PTPRQ: variants seen among roughly 807,000 people sequenced by gnomAD.
PTPRQ encodes protein tyrosine phosphatase receptor type Q.
Under a neutral mutation model 246.0 loss-of-function variants are expected in PTPRQ, and 199 were observed. That is an observed-to-expected ratio of 0.81 (90% confidence interval 0.72 to 0.91). The LOEUF is 0.91. Among genes scored for constraint, PTPRQ ranks in the 40% least tolerant of loss-of-function variants. PTPRQ has a pLI of 0.00. For missense variants in PTPRQ, 2,624 were observed against 2,528.4 expected (o/e 1.04, Z -0.81); for synonymous variants, 869 against 853.2 (o/e 1.02, Z -0.32).
chr12:80,534,361 T>A (rs1895927873), intron 18 of PTPRQ, among the ~76,000 whole-genome samples, 186 bp downstream of exon 18: 1 of 152,072 alleles, frequency 6.6e-6, no homozygotes, highest in South Asian at 2.1e-4. Flanking sequence ...TCTGTGTGCC[T>A]CAATTTCCCA....
intron 26 of PTPRQ, among the ~76,000 whole-genome samples, chr12:80,589,230 G>A (rs943142391): frequency 6.6e-6 from 1 of 152,076 alleles, no homozygotes; most frequent in Non-Finnish European, 1.5e-5. Context: ...ATAGAATTGT[G>A]ATGGTTACTA....
chr12:80,604,566 A>G (rs1220236347), intron 26 of PTPRQ, among the ~76,000 whole-genome samples: 1 of 151,518 alleles, frequency 6.6e-6, no homozygotes, highest in Admixed American at 6.6e-5. Flanking sequence ...CATATTCTCC[A>G]CCCTCAGTGA....
At chr12:80,576,365 T>C (rs1445146903) in intron 25 of PTPRQ, among the ~76,000 whole-genome samples, 1 of 152,124 alleles carries the variant, frequency 6.6e-6, no homozygotes. Context: ...TAGTCTCAAA[T>C]TCCTGACCTC....
intron 2 of PTPRQ, among the ~76,000 whole-genome samples, chr12:80,445,280 T>C (rs961317229): frequency 6.6e-6 from 1 of 151,966 alleles, no homozygotes; most frequent in Non-Finnish European, 1.5e-5. Context: ...AGTATTTATT[T>C]AGTAGCATTC....
chr12:80,478,254 C>T (rs949319155), intron 8 of PTPRQ, among the ~76,000 whole-genome samples: 13 of 151,612 alleles, frequency 8.6e-5, no homozygotes, highest in Non-Finnish European at 1.8e-4. Flanking sequence ...TGGGAGGCAT[C>T]CCCCAGCAGG....
At position 80,468,705 on chromosome 12, in the gene PTPRQ, T is replaced by C; in HGVS notation, c.911-5T>C. 1 of 1,529,514 alleles carries C rather than the reference T, an allele frequency of 6.5e-7. No individual in the cohort carries two copies. Among genetic ancestry groups the C allele is most frequent in the Middle Eastern group, 1.7e-4 (1 of 5,838 alleles). The allele number at this position is 1,529,514 out of a possible 1,614,324, so 94.7% of individuals were successfully genotyped here. ...TTATGTATTTATTTTCTATAATTAT[T>C]TTAGTGCCTGAAGGACCACCACAAA... is the stretch of plus-strand genomic sequence containing the variant. On this transcript the variant is annotated splice_region_variant and splice_polypyrimidine_tract_variant and intron_variant, in intron 6 of 44. Coordinates refer to ENST00000644991, the MANE Select transcript of PTPRQ (RefSeq NM_001145026.2).
At chr12:80,480,895 C>CAA (rs1485747798) in intron 8 of PTPRQ, among the ~76,000 whole-genome samples, 1 of 152,086 alleles carries the variant, frequency 6.6e-6, no homozygotes, top group African/African-American at 2.4e-5. Context: ...GCTTACCAAC[C>CAA]AAAAAGAGTC....
intron 26 of PTPRQ, among the ~76,000 whole-genome samples, chr12:80,601,520 T>G (rs1206190260): frequency 6.6e-6 from 1 of 151,886 alleles, no homozygotes; most frequent in African/African-American, 2.4e-5. Context: ...CAAGGCCAAC[T>G]AAACATTTGG....
intron 3 of PTPRQ, among the ~76,000 whole-genome samples, chr12:80,449,798 G>A (rs1053378848): frequency 1.3e-5 from 2 of 152,188 alleles, no homozygotes; most frequent in African/African-American, 4.8e-5. Flanking sequence ...ATAGTTTAAA[G>A]TCAGGTAGTG....
intron 9 of PTPRQ, among the ~76,000 whole-genome samples, chr12:80,492,935 G>A (rs1166664494): frequency 1.3e-5 from 2 of 151,864 alleles, no homozygotes; most frequent in Admixed American, 1.3e-4. Flanking sequence ...CTTACCATTT[G>A]GGGGTGATCA....
At chr12:80,515,425 C>CTTT (rs35189865) in intron 17 of PTPRQ, among the ~76,000 whole-genome samples, 4 of 144,132 alleles carry the variant, frequency 2.8e-5, no homozygotes, top group Admixed American at 6.9e-5. Flanking sequence ...TGAATATTTC[C>CTTT]TTTTTTTTTT....
At chr12:80,538,737 A>G (rs1177877776) in intron 19 of PTPRQ, among the ~76,000 whole-genome samples, 1 of 152,024 alleles carries the variant, frequency 6.6e-6, no homozygotes, top group African/African-American at 2.4e-5. Flanking sequence ...TGCTTATCCT[A>G]TGTTATTCAT....
chr12:80,564,772 T>G (rs1896929657), intron 25 of PTPRQ, among the ~76,000 whole-genome samples: 1 of 152,216 alleles, frequency 6.6e-6, no homozygotes, highest in Admixed American at 6.5e-5. Flanking sequence ...AGTCCAGAAT[T>G]CTTTCTACTA....
At chr12:80,623,010 C>T (rs1171266904) in intron 33 of PTPRQ, among the ~76,000 whole-genome samples, 3 of 152,022 alleles carry the variant, frequency 2.0e-5, no homozygotes, top group Non-Finnish European at 2.9e-5. Flanking sequence ...GTGCCAGGCC[C>T]TCAAAAGCCC....
chr12:80,525,642 TTCTC>T (rs1895660836), intron 17 of PTPRQ, among the ~76,000 whole-genome samples: 1 of 142,394 alleles, frequency 7.0e-6, no homozygotes, highest in Non-Finnish European at 1.5e-5. Flanking sequence ...AACAGTCATA[TTCTC>T]TCTCTCTGTC....
intron 3 of PTPRQ, among the ~76,000 whole-genome samples, chr12:80,449,829 T>C (rs1327762158): frequency 2.0e-5 from 3 of 152,232 alleles, no homozygotes; most frequent in Admixed American, 1.3e-4. Flanking sequence ...AGCTTCGTTC[T>C]TTTGGCTTAG....
At chr12:80,445,754 A>G in intron 3 of PTPRQ, 37 bp downstream of exon 3, 1 of 1,324,512 alleles carries the variant, frequency 7.5e-7, no homozygotes, top group Admixed American at 2.0e-5. Flanking sequence ...GTGTTCAAAC[A>G]TTTCATTCAT....
intron 35 of PTPRQ, among the ~76,000 whole-genome samples, chr12:80,643,639 T>A (rs1899970723): frequency 6.6e-6 from 1 of 152,030 alleles, no homozygotes; most frequent in Non-Finnish European, 1.5e-5. Flanking sequence ...TGCAGAAGGA[T>A]GTGAAAGAAC....
chr12:80,587,274 G>T (rs1017279713), intron 25 of PTPRQ, among the ~76,000 whole-genome samples: 1 of 151,730 alleles, frequency 6.6e-6, no homozygotes, highest in African/African-American at 2.4e-5. Context: ...TATACAGTTC[G>T]CATTATGTAA....
Sources: allele counts gnomAD v4.1 joint callset (sites outside exome capture counted in the v4.1 genomes callset), GRCh38; gene constraint gnomAD v4.1.1; transcripts MANE v1.5; gene names NCBI Gene and HGNC (gene_info 2026-07-23, HGNC 2026-07-21).